Variants in ADAMTS9 observed in about 807,000 individuals in gnomAD.
ADAMTS9 encodes ADAM metallopeptidase with thrombospondin type 1 motif 9, also known as A disintegrin and metalloproteinase with thrombospondin motifs 9.
Under a neutral mutation model 257.1 loss-of-function variants are expected in ADAMTS9, and 107 were observed. The observed-to-expected ratio is 0.42, with a 90% CI of 0.36 to 0.49. The LOEUF (loss-of-function observed/expected upper bound fraction) is 0.49, where lower values mean the gene tolerates loss of function less well. Ranked by LOEUF, ADAMTS9 falls within the 20% of genes least tolerant of loss-of-function variation. The pLI, the probability that ADAMTS9 is intolerant of heterozygous loss-of-function variation, is 0.03. For missense variants in ADAMTS9, 2,353 were observed against 2,469.1 expected (o/e 0.95, Z 1.00); for synonymous variants, 982 against 880.9 (o/e 1.11, Z -2.03).
intron 27 of ADAMTS9, among the ~76,000 whole-genome samples, 173 bp downstream of exon 27, chr3:64,596,657 A>T (rs1184546651): frequency 6.6e-6 from 1 of 152,178 alleles, no homozygotes; most frequent in Non-Finnish European, 1.5e-5. Flanking sequence ...CTTAGTGGTA[A>T]TAGGAACACT....
chr3:64,525,868 C>T (rs182993294), intron 38 of ADAMTS9, among the ~76,000 whole-genome samples: 126 of 151,048 alleles, frequency 8.3e-4, no homozygotes, highest in African/African-American at 2.9e-3. Flanking sequence ...AGATTACAGG[C>T]GTAAGCCACC....
intron 38 of ADAMTS9, among the ~76,000 whole-genome samples, chr3:64,531,470 T>TAA (rs35413211): frequency 0.01 from 1,465 of 139,538 alleles, 48 homozygotes; most frequent in East Asian, 0.078. Context: ...ATTGTGTACT[T>TAA]AAAAAAAAAA....
chr3:64,527,690 T>C (rs75046934), intron 38 of ADAMTS9, among the ~76,000 whole-genome samples: 1,527 of 152,222 alleles, frequency 0.01, 56 homozygotes, highest in East Asian at 0.078. Context: ...TGGACACTTA[T>C]GTATATATGA....
intron 3 of ADAMTS9, among the ~76,000 whole-genome samples, chr3:64,660,213 C>T (rs563644905): frequency 2.0e-5 from 3 of 152,194 alleles, no homozygotes; most frequent in South Asian, 4.1e-4. Flanking sequence ...AGTATGCTTA[C>T]CTAACACATA....
chr3:64,603,777 G>C, intron 25 of ADAMTS9, 145 bp downstream of exon 25: 2 of 962,870 alleles, frequency 2.1e-6, no homozygotes, highest in East Asian at 2.4e-5. Flanking sequence ...CACATAAGTG[G>C]AGCAGCACAA....
chr3:64,589,193 C>A (rs1476579928), intron 28 of ADAMTS9: 1 of 152,104 alleles, frequency 6.6e-6, no homozygotes, highest in Non-Finnish European at 1.5e-5. Flanking sequence ...CCCTAAACAA[C>A]AGTTGTTTGA....
intron 29 of ADAMTS9, among the ~76,000 whole-genome samples, chr3:64,564,680 A>G (rs2083497512): frequency 1.3e-5 from 2 of 151,964 alleles, no homozygotes; most frequent in Non-Finnish European, 2.9e-5. Context: ...TGTAACTACC[A>G]GATGCTAGTT....
chr3:64,584,015 C>T (rs574285612), intron 28 of ADAMTS9: 50 of 152,084 alleles, frequency 3.3e-4, no homozygotes, highest in African/African-American at 1.2e-3. Context: ...GCGGGGGGCT[C>T]GGATATGTTA....
At chr3:64,526,528 T>G (rs1440178901) in intron 38 of ADAMTS9, among the ~76,000 whole-genome samples, 6 of 152,210 alleles carry the variant, frequency 3.9e-5, no homozygotes. Context: ...CTGAATTTGA[T>G]GCCAGACTAA....
intron 3 of ADAMTS9, among the ~76,000 whole-genome samples, chr3:64,678,154 G>C (rs1014547803): frequency 1.3e-5 from 2 of 152,132 alleles, no homozygotes; most frequent in South Asian, 2.1e-4. Flanking sequence ...GGGAAGGTTC[G>C]GATGGGTTGG....
chr3:64,560,648 C>T (rs1018928225), intron 30 of ADAMTS9, among the ~76,000 whole-genome samples: 1 of 152,142 alleles, frequency 6.6e-6, no homozygotes, highest in African/African-American at 2.4e-5. Context: ...CTCACCTTGT[C>T]TGGTGGTTAA....
chr3:64,620,247 G>C (rs1700073744), intron 19 of ADAMTS9, among the ~76,000 whole-genome samples: 1 of 152,114 alleles, frequency 6.6e-6, no homozygotes, highest in Non-Finnish European at 1.5e-5. Context: ...TTTTCTCAGA[G>C]CCTCAAGTAG....
chr3:64,575,537 G>C (rs2083818196), intron 28 of ADAMTS9, among the ~76,000 whole-genome samples: 3 of 152,164 alleles, frequency 2.0e-5, no homozygotes, highest in Admixed American at 2.0e-4. Flanking sequence ...CAAATTCCAA[G>C]GGGTGCTTGG....
chr3:64,558,813 G>A (rs7609598), intron 30 of ADAMTS9, among the ~76,000 whole-genome samples: 4,509 of 152,156 alleles, frequency 0.03, 214 homozygotes, highest in African/African-American at 0.099. Context: ...AAGAAAGAAG[G>A]GGTATCCTAT....
rs1256869280 is a variant in ADAMTS9, at chr3:64,658,783, T to G, written c.688A>C (p.Asn230His). 14 of 1,612,250 alleles carry G rather than the reference T, an allele frequency of 8.7e-6. No homozygotes were observed. Among genetic ancestry groups the G allele is most frequent in the Admixed American group, 1.7e-5 (1 of 59,750 alleles). Residue 230 changes from asparagine to histidine, a missense_variant, in exon 4 of 40, where the codon AAT becomes CAT. Physicochemically the swap from Asn to His is moderately conservative, Grantham distance 68 (BLOSUM62 1). Transcript: ENST00000498707. Reference protein sequence around the residue: ...RHACDTSEHKNRHSKDKKKTR... With the variant: ...RHACDTSEHKHRHSKDKKKTR... ...TTCTTCTTGTCTTTACTGTGCCTATTTTTGTGTTCTGTAACAAATCAGATG... is the reference window on the plus strand; with the variant it reads ...TTCTTCTTGTCTTTACTGTGCCTATGTTTGTGTTCTGTAACAAATCAGATG...
At chr3:64,522,591 T>C (rs571749010) in intron 38 of ADAMTS9, 1 of 197,570 alleles carries the variant, frequency 5.1e-6, no homozygotes, top group Admixed American at 5.7e-5. Context: ...AAAGTTTTAT[T>C]GGAATACAGC....
At position 64,522,259 on chromosome 3, in the gene ADAMTS9, T is replaced by C; in HGVS notation, c.5720A>G (p.Asp1907Gly). ...GCATTTCCCTACGACTCGGGTACCA[T>C]CCTGCAAGGAGATGCATCATGTTAG... ...YAVSDIKKSP[D>G]GTRVVGKCGG... Residue 1907 changes from aspartate (D) to glycine (G), a missense_variant and splice_region_variant, in exon 39 of 40, where the codon GAT becomes GGT. Physicochemically the swap from Asp to Gly is moderately conservative, Grantham distance 94 (BLOSUM62 -1). Transcript: ENST00000498707. The C allele has an allele frequency of 1.2e-6, 2 of 1,613,912 alleles. No homozygotes were observed. The highest frequency in any genetic ancestry group is 1.7e-6 in the Non-Finnish European group (2 of 1,179,844).
At chr3:64,534,564 C>G (rs1178421332) in intron 37 of ADAMTS9, among the ~76,000 whole-genome samples, 3 of 152,100 alleles carry the variant, frequency 2.0e-5, no homozygotes, top group Non-Finnish European at 4.4e-5. Context: ...TTAAGATTTC[C>G]AGGACTAAGT....
chr3:64,643,640 G>A (rs908341514), intron 11 of ADAMTS9, among the ~76,000 whole-genome samples: 9 of 151,490 alleles, frequency 5.9e-5, no homozygotes, highest in African/African-American at 2.2e-4. Flanking sequence ...CTTTTATAGA[G>A]ACAGTTAGGG....
Sources: gnomAD v4.1 joint callset for allele counts (sites outside exome capture counted in the v4.1 genomes callset) on GRCh38, gnomAD v4.1.1 for gene constraint, MANE v1.5 for transcripts, NCBI Gene and HGNC (gene_info 2026-07-23, HGNC 2026-07-21) for gene names.